Variants in HRH1 observed in about 807,000 individuals in gnomAD.
HRH1 encodes the protein histamine H1 receptor.
In HRH1, 6 loss-of-function variants were observed where a neutral mutation model predicts 10.3. The ratio of observed to expected loss-of-function variants is 0.58; its 90% CI spans 0.32 to 1.15. The LOEUF (loss-of-function observed/expected upper bound fraction) is 1.15, where lower values mean the gene tolerates loss of function less well. Ranked by LOEUF, HRH1 falls within the 50% of genes most tolerant of loss-of-function variation. The pLI is 0.05. For synonymous variants in HRH1, 242 were observed against 236.7 expected, an observed-to-expected ratio of 1.02 and a Z score of -0.21; for missense variants, 514 against 615.3, an observed-to-expected ratio of 0.84 and a Z score of 1.74.
intron 1 of HRH1, among the ~76,000 whole-genome samples, chr3:11,179,680 G>T (rs955789765): frequency 1.3e-5 from 2 of 151,618 alleles, no homozygotes; most frequent in Admixed American, 6.6e-5. Flanking sequence ...AAGTTAGGGG[G>T]CCTGACTTCA....
Position 11,253,741 on chromosome 3 carries a change from G to C in HRH1, c.-35-5262G>C, listed in dbSNP as rs943596454. On this transcript the variant is annotated intron_variant, in intron 1 of 1. Transcript: ENST00000431010. Reference sequence around the variant, plus strand: ...TCAGCCGCTGGAACGTTCTGACCGGGAGGATGTTCACGTTCCCGAATGGTC... The same window carrying C: ...TCAGCCGCTGGAACGTTCTGACCGGCAGGATGTTCACGTTCCCGAATGGTC... Among the ~76,000 whole-genome samples the C allele has an allele frequency of 5.9e-5, 9 of 152,294 alleles. 1 individual carries two copies. Among genetic ancestry groups the C allele is most frequent in the African/African-American group, 2.2e-4 (9 of 41,552 alleles).
intron 1 of HRH1, among the ~76,000 whole-genome samples, chr3:11,243,635 C>G (rs1939405589): frequency 6.6e-6 from 1 of 152,220 alleles, no homozygotes; most frequent in African/African-American, 2.4e-5. Context: ...CTAGGCACTT[C>G]CAATGACTCC....
At chr3:11,234,716 C>T (rs1250536702) in intron 1 of HRH1, 7 of 916,338 alleles carry the variant, frequency 7.6e-6, no homozygotes, top group Admixed American at 1.7e-5. Context: ...GCAGAAGTGG[C>T]GGTGGCAGCA....
chr3:11,216,123 C>T (rs1938484143), intron 1 of HRH1, among the ~76,000 whole-genome samples: 1 of 152,032 alleles, frequency 6.6e-6, no homozygotes, highest in African/African-American at 2.4e-5. Context: ...CCTGAACACT[C>T]CCTGAATGGT....
chr3:11,232,850 A>G (rs1398222546), intron 1 of HRH1, among the ~76,000 whole-genome samples: 1 of 152,224 alleles, frequency 6.6e-6, no homozygotes, highest in Admixed American at 6.5e-5. Flanking sequence ...TCGTCTGAGA[A>G]TGTGTTGATT....
chr3:11,259,661 G>A lies in HRH1; in HGVS notation c.624G>A (p.Trp208Ter). 1 of 1,614,038 alleles carries A rather than the reference G, an allele frequency of 6.2e-7. No individual in the cohort carries two copies. The highest frequency in any genetic ancestry group is 1.7e-5 in the Admixed American group (1 of 60,014). ...ACCTGCCCACCTTGCTCATGCTCTG[G>A]TTCTATGCCAAGATCTACAAGGCCG... ...NFYLPTLLML[W>*]FYAKIYKAVR... The change falls in exon 2 of 2, where the codon TGG (tryptophan) becomes TGA (stop). Residue 208 changes from tryptophan to a stop codon, truncating the protein, a stop_gained. Transcript: ENST00000431010. LOFTEE classifies it low-confidence loss of function (END_TRUNC). The surrounding 1 kb of genome is among the most constrained non-coding windows in gnomAD (Gnocchi z 4.6).
intron 1 of HRH1, among the ~76,000 whole-genome samples, chr3:11,249,040 T>G (rs1939565331): frequency 6.6e-6 from 1 of 152,222 alleles, no homozygotes; most frequent in South Asian, 2.1e-4. Context: ...TTTAAATCTT[T>G]AACTTCTATA....
intron 1 of HRH1, among the ~76,000 whole-genome samples, chr3:11,252,192 G>T (rs1233962524): frequency 1.3e-5 from 2 of 152,336 alleles, no homozygotes; most frequent in East Asian, 3.9e-4. Context: ...TCTATCCATA[G>T]ACGGCAGTAT....
chr3:11,259,365 G>T lies in HRH1; in HGVS notation c.328G>T (p.Ala110Ser). The change falls in exon 2 of 2, where the codon GCC becomes TCC. Residue 110 changes from alanine to serine, a missense_variant. By Grantham distance (99) the Ala-to-Ser change is moderately conservative. Coordinates refer to ENST00000431010, the MANE Select transcript of HRH1 (RefSeq NM_001098212.2). This position sits in a 1 kb window ranked among gnomAD's most constrained non-coding sequence, Gnocchi z 4.6. ...CTTTTGGCTTTCCATGGACTATGTG[G>T]CCAGCACAGCGTCCATTTTCAGTGT... is the stretch of plus-strand genomic sequence containing the variant. The part of the protein sequence containing the change: ...CLFWLSMDYV[A>S]STASIFSVFI... 6.2e-7 allele frequency: 1 copy of T among 1,613,750 alleles called. No individual in the cohort carries two copies.
At chr3:11,233,012 T>C (rs1302549092) in intron 1 of HRH1, among the ~76,000 whole-genome samples, 1 of 152,214 alleles carries the variant, frequency 6.6e-6, no homozygotes, top group Non-Finnish European at 1.5e-5. Flanking sequence ...GGTAAGGTGT[T>C]TTTCTCTGAT....
Position 11,259,663 on chromosome 3 carries a change from T to G in HRH1, c.626T>G (p.Phe209Cys), listed in dbSNP as rs1277405200. 1.2e-6 allele frequency: 2 copies of G among 1,613,906 alleles called. No individual in the cohort carries two copies. Among genetic ancestry groups the G allele is most frequent in the Non-Finnish European group, 8.5e-7 (1 of 1,179,986 alleles). ...FYLPTLLMLW[F>C]YAKIYKAVRQ... The stretch of plus-strand genomic sequence containing the variant: ...CTGCCCACCTTGCTCATGCTCTGGT[T>G]CTATGCCAAGATCTACAAGGCCGTA... The change falls in exon 2 of 2, where the codon TTC becomes TGC. Residue 209 changes from phenylalanine to cysteine, a missense_variant. Coordinates refer to ENST00000431010, the MANE Select transcript of HRH1 (RefSeq NM_001098212.2). The surrounding 1 kb of genome is among the most constrained non-coding windows in gnomAD (Gnocchi z 4.6).
chr3:11,250,497 G>C (rs777211880), intron 1 of HRH1, among the ~76,000 whole-genome samples: 9 of 152,086 alleles, frequency 5.9e-5, no homozygotes, highest in African/African-American at 7.2e-5. Context: ...TTCCCAAGTG[G>C]GTTCGAGCTT....
chr3:11,186,716 A>G (rs1213337201), intron 1 of HRH1, among the ~76,000 whole-genome samples: 6 of 152,138 alleles, frequency 3.9e-5, no homozygotes, highest in Admixed American at 2.0e-4. Flanking sequence ...CCTAATTTCT[A>G]GTCTGTTTTG....
At chr3:11,192,216 C>T (rs1234005005) in intron 1 of HRH1, among the ~76,000 whole-genome samples, 3 of 152,218 alleles carry the variant, frequency 2.0e-5, no homozygotes, top group East Asian at 1.9e-4. Flanking sequence ...AACACACCTG[C>T]GTAACCAGCG....
chr3:11,182,368 A>G (rs189271114), intron 1 of HRH1, among the ~76,000 whole-genome samples: 2 of 152,336 alleles, frequency 1.3e-5, no homozygotes, highest in South Asian at 2.1e-4. Flanking sequence ...CTGTGTTCCT[A>G]GATTAAATAC....
intron 1 of HRH1, among the ~76,000 whole-genome samples, chr3:11,183,851 C>A (rs1401955467): frequency 8.9e-6 from 1 of 112,440 alleles, no homozygotes; most frequent in African/African-American, 3.4e-5. Context: ...AGTAGGAAAG[C>A]TTGCTTTTTT....
Position 11,155,181 on chromosome 3 carries a change from G to A in HRH1, c.-36+627G>A, listed in dbSNP as rs114149420. ...TGGAGTCGGGGGTGGGAACTGTCCG[G>A]ACCACCACCCGCCCTTCCCCTGCAG... is the stretch of plus-strand genomic sequence containing the variant. On this transcript the variant is annotated intron_variant, in intron 1 of 1. Coordinates refer to ENST00000431010, the MANE Select transcript of HRH1 (RefSeq NM_001098212.2). Among the ~76,000 whole-genome samples, 517 of 152,240 alleles carry A rather than the reference G, an allele frequency of 3.4e-3. 1 individual carries two copies. Among genetic ancestry groups the A allele is most frequent in the African/African-American group, 0.012 (497 of 41,564 alleles).
intron 1 of HRH1, among the ~76,000 whole-genome samples, chr3:11,220,422 G>A (rs964402194): frequency 6.6e-6 from 1 of 152,150 alleles, no homozygotes; most frequent in Non-Finnish European, 1.5e-5. Context: ...CCTGTTTGTT[G>A]GTATGCAAGG....
At chr3:11,207,524 A>C (rs1938179137) in intron 1 of HRH1, among the ~76,000 whole-genome samples, 2 of 152,196 alleles carry the variant, frequency 1.3e-5, no homozygotes, top group East Asian at 1.9e-4. Context: ...AGCCGAGATC[A>C]TGCCACTGCA....
Sources: gnomAD v4.1 joint callset for allele counts (sites outside exome capture counted in the v4.1 genomes callset) on GRCh38, gnomAD v4.1.1 for gene constraint, Gnocchi (gnomAD v3.1) non-coding constraint, MANE v1.5 for transcripts, NCBI Gene and HGNC (gene_info 2026-07-23, HGNC 2026-07-21) for gene names.